The following MACROD2 variants were observed in gnomAD, a reference collection of about 807,000 sequenced individuals.
MACROD2 encodes ADP-ribose glycohydrolase MACROD2.
In MACROD2, 36 loss-of-function variants were observed where a neutral mutation model predicts 70.4. That is an observed-to-expected ratio of 0.51 (90% CI 0.39 to 0.68). MACROD2 has a LOEUF of 0.68. Among genes scored for constraint, MACROD2 ranks in the 30% least tolerant of loss-of-function variants. MACROD2 has a pLI of 0.00. For missense variants in MACROD2, 496 were observed against 538.4 expected (o/e 0.92, Z 0.78); for synonymous variants, 172 against 178.8 (o/e 0.96, Z 0.30).
At chr20:15,550,789 T>C in intron 8 of MACROD2, among the ~76,000 whole-genome samples, 1 of 152,166 alleles carries the variant, frequency 6.6e-6, no homozygotes, top group East Asian at 1.9e-4. Context: ...ATTTTCTCCT[T>C]TATTCCTCTC....
intron 4 of MACROD2, among the ~76,000 whole-genome samples, chr20:14,647,949 G>A (rs957243375): frequency 6.6e-6 from 1 of 152,074 alleles, no homozygotes; most frequent in Non-Finnish European, 1.5e-5. Flanking sequence ...CCAGAGCACT[G>A]CCATTTGCAT....
intron 5 of MACROD2, among the ~76,000 whole-genome samples, chr20:15,098,834 G>C (rs760957548): frequency 6.6e-6 from 1 of 152,240 alleles, no homozygotes; most frequent in Non-Finnish European, 1.5e-5. Flanking sequence ...GAGTGTTCTA[G>C]AGAGGGAACA....
intron 5 of MACROD2, among the ~76,000 whole-genome samples, chr20:15,080,171 T>G (rs960896915): frequency 6.6e-6 from 1 of 151,488 alleles, no homozygotes; most frequent in African/African-American, 2.4e-5. Context: ...ACATCCTCTC[T>G]CCTGTGTCCC....
chr20:14,776,162 G>A (rs1367178207), intron 5 of MACROD2, among the ~76,000 whole-genome samples: 1 of 151,970 alleles, frequency 6.6e-6, no homozygotes, highest in Non-Finnish European at 1.5e-5. Context: ...GAACATAGTA[G>A]GAGCAAACCA....
At chr20:14,631,124 G>A (rs1984484451) in intron 4 of MACROD2, among the ~76,000 whole-genome samples, 1 of 152,122 alleles carries the variant, frequency 6.6e-6, no homozygotes, top group Non-Finnish European at 1.5e-5. Context: ...CTGAGTTCCA[G>A]CACTAGGCCC....
At chr20:14,339,255 G>A (rs1454323038) in intron 3 of MACROD2, among the ~76,000 whole-genome samples, 1 of 152,124 alleles carries the variant, frequency 6.6e-6, no homozygotes, top group African/African-American at 2.4e-5. Context: ...GGGCCTCAGA[G>A]GACAGACCCA....
chr20:15,085,964 C>T lies in MACROD2; in HGVS notation c.419-143976C>T, dbSNP rs1407247071. On this transcript the variant is annotated intron_variant, in intron 5 of 17. Transcript: ENST00000684519. ...TCACAGAATCCATTCCTCAGGCCAC[C>T]CATATCAACACTGCTTGAAACTTAA... 4.6e-5 allele frequency among the ~76,000 whole-genome samples: 7 copies of T among 151,080 alleles called. No individual in the cohort carries two copies. The Admixed American group carries it at 4.6e-4, about 10-fold the overall frequency.
intron 6 of MACROD2, among the ~76,000 whole-genome samples, chr20:15,245,194 C>T (rs1300435843): frequency 6.6e-6 from 1 of 152,172 alleles, no homozygotes; most frequent in African/African-American, 2.4e-5. Context: ...AGAATCCTTT[C>T]TCAAAATTCA....
At chr20:15,463,206 C>T (rs549721395) in intron 7 of MACROD2, among the ~76,000 whole-genome samples, 1 of 152,046 alleles carries the variant, frequency 6.6e-6, no homozygotes, top group East Asian at 1.9e-4. Flanking sequence ...TGTGTCAATG[C>T]CAACAGGAGG....
At chr20:14,456,713 C>CTTTTTTTTTTT (rs10696382) in intron 3 of MACROD2, among the ~76,000 whole-genome samples, 2 of 101,132 alleles carry the variant, frequency 2.0e-5, no homozygotes, top group African/African-American at 3.6e-5. Context: ...GACTCAGGAT[C>CTTTTTTTTTTT]TTTTTTTTTT....
At chr20:15,776,258 C>T (rs915033763) in intron 8 of MACROD2, among the ~76,000 whole-genome samples, 1 of 152,158 alleles carries the variant, frequency 6.6e-6, no homozygotes, top group Admixed American at 6.5e-5. Context: ...CACACACATA[C>T]TCCCAAGTAT....
intron 3 of MACROD2, among the ~76,000 whole-genome samples, chr20:14,236,856 T>G (rs1167027842): frequency 6.6e-6 from 1 of 152,186 alleles, no homozygotes; most frequent in Non-Finnish European, 1.5e-5. Context: ...AATCAAAATG[T>G]CAGTTATTAA....
At chr20:14,226,242 G>A (rs140334385) in intron 3 of MACROD2, among the ~76,000 whole-genome samples, 7 of 152,294 alleles carry the variant, frequency 4.6e-5, no homozygotes, top group African/African-American at 1.4e-4. Flanking sequence ...GCGCAGTAAG[G>A]GTGTGGCCCT....
intron 5 of MACROD2, among the ~76,000 whole-genome samples, chr20:15,218,418 T>C (rs956269672): frequency 4.6e-5 from 7 of 152,178 alleles, no homozygotes; most frequent in Non-Finnish European, 1.0e-4. Flanking sequence ...GCTGATCTCT[T>C]CCCTTTTGTA....
chr20:15,463,629 C>T (rs1205875344), intron 7 of MACROD2, among the ~76,000 whole-genome samples: 1 of 151,960 alleles, frequency 6.6e-6, no homozygotes, highest in Non-Finnish European at 1.5e-5. Flanking sequence ...CAGGCCTGTA[C>T]TCCCAGCTAC....
chr20:15,290,126 G>A (rs1286332977), intron 6 of MACROD2, among the ~76,000 whole-genome samples: 1 of 152,170 alleles, frequency 6.6e-6, no homozygotes, highest in Non-Finnish European at 1.5e-5. Flanking sequence ...AAAGGATTTT[G>A]TAAGCTTTGA....
chr20:14,312,419 C>G (rs917480040), intron 3 of MACROD2, among the ~76,000 whole-genome samples: 1 of 152,170 alleles, frequency 6.6e-6, no homozygotes, highest in Non-Finnish European at 1.5e-5. Context: ...GAAAACTGCT[C>G]TCCTACTTTC....
chr20:14,362,453 T>A (rs1301067170), intron 3 of MACROD2, among the ~76,000 whole-genome samples: 3 of 152,178 alleles, frequency 2.0e-5, no homozygotes, highest in Non-Finnish European at 4.4e-5. Context: ...GTTTTTACCC[T>A]CTTGAGTTCA....
At chr20:15,488,066 G>A (rs973209907) in intron 7 of MACROD2, among the ~76,000 whole-genome samples, 4 of 152,134 alleles carry the variant, frequency 2.6e-5, no homozygotes, top group Non-Finnish European at 4.4e-5. Context: ...CCTGAAAGGG[G>A]TCCTTCAGTC....
Sources: allele counts gnomAD v4.1 joint callset (sites outside exome capture counted in the v4.1 genomes callset), GRCh38; gene constraint gnomAD v4.1.1; transcripts MANE v1.5; gene names NCBI Gene and HGNC (gene_info 2026-07-23, HGNC 2026-07-21).